The following ERBB4 variants were observed in gnomAD, a reference collection of about 807,000 sequenced individuals.
The protein encoded by ERBB4 is receptor tyrosine-protein kinase erbB-4.
A neutral mutation model predicts 158.0 loss-of-function variants in ERBB4; 42 were observed. The observed-to-expected ratio is 0.27, with a 90% CI of 0.21 to 0.34. ERBB4 has a LOEUF of 0.34. Among genes scored for constraint, ERBB4 ranks in the 10% least tolerant of loss-of-function variants. The pLI is 1.00. For synonymous variants in ERBB4, 583 were observed against 558.7 expected, an observed-to-expected ratio of 1.04 and a Z score of -0.61; for missense variants, 1,333 against 1,624.1, an observed-to-expected ratio of 0.82 and a Z score of 3.08.
chr2:212,511,204 T>C (rs1470935144), intron 1 of ERBB4, among the ~76,000 whole-genome samples: 1 of 152,194 alleles, frequency 6.6e-6, no homozygotes, highest in African/African-American at 2.4e-5. Flanking sequence ...TTGTCTTACC[T>C]CATTTTAGAC....
At chr2:211,417,087 T>C (rs752434834) in intron 25 of ERBB4, among the ~76,000 whole-genome samples, 4 of 152,176 alleles carry the variant, frequency 2.6e-5, no homozygotes, top group Admixed American at 6.5e-5. Context: ...TTTACAGATA[T>C]AGAGCACGGT....
chr2:211,474,756 G>A (rs1479039338), intron 20 of ERBB4, among the ~76,000 whole-genome samples: 1 of 152,066 alleles, frequency 6.6e-6, no homozygotes, highest in Non-Finnish European at 1.5e-5. Context: ...TAGGTTATAG[G>A]TAAAGCTTTG....
At position 211,592,360 on chromosome 2, in the gene ERBB4, C is replaced by G. The variant is rs528840305; in HGVS notation, c.2301+26817G>C. 3.3e-5 allele frequency among the ~76,000 whole-genome samples: 5 copies of G among 152,156 alleles called. No homozygotes were observed. In the South Asian group the frequency reaches 1.0e-3, roughly 32 times the overall value. ...GAGCCAAGACGGAGTCTGTCTGGCT[C>G]TCTTAGCTAAGGGAGAGTCAATTCA... On this transcript the variant is annotated intron_variant, in intron 19 of 27. Coordinates refer to ENST00000342788, the MANE Select transcript of ERBB4 (RefSeq NM_005235.3).
At chr2:212,526,367 T>C (rs1692447192) in intron 1 of ERBB4, among the ~76,000 whole-genome samples, 1 of 152,102 alleles carries the variant, frequency 6.6e-6, no homozygotes, top group Non-Finnish European at 1.5e-5. Context: ...AACAGTTGCA[T>C]AAAATGTTTT....
At chr2:211,579,112 C>A (rs1365936684) in intron 19 of ERBB4, among the ~76,000 whole-genome samples, 1 of 151,932 alleles carries the variant, frequency 6.6e-6, no homozygotes, top group East Asian at 1.9e-4. Flanking sequence ...AAGAAAAAAA[C>A]AAACAATCCC....
intron 1 of ERBB4, among the ~76,000 whole-genome samples, chr2:212,188,237 C>CT (rs2082082216): frequency 7.2e-5 from 1 of 13,884 alleles, no homozygotes; most frequent in African/African-American, 2.2e-4. Flanking sequence ...TCTCTCTCCC[C>CT]CCCCCTCTCA....
intron 4 of ERBB4, among the ~76,000 whole-genome samples, chr2:211,772,437 T>C (rs1018837190): frequency 6.6e-6 from 1 of 151,642 alleles, no homozygotes; most frequent in African/African-American, 2.4e-5. Context: ...AAACAGAAAA[T>C]GAAATTAGCT....
intron 4 of ERBB4, among the ~76,000 whole-genome samples, chr2:211,778,061 A>G (rs1169212201): frequency 6.6e-6 from 1 of 152,166 alleles, no homozygotes; most frequent in East Asian, 1.9e-4. Flanking sequence ...TAAACCCCCT[A>G]ATCAACTGGC....
At position 212,222,092 on chromosome 2, in the gene ERBB4, C is replaced by A. The variant is rs191863230; in HGVS notation, c.83-97189G>T. Among the ~76,000 whole-genome samples the A allele has an allele frequency of 4.3e-3, 652 of 151,568 alleles. 2 individuals carry two copies. Among genetic ancestry groups the A allele is most frequent in the South Asian group, 0.03 (143 of 4,816 alleles). Reference sequence around the variant, plus strand: ...GTTTATAAATTCCTATATAAAGGAACTATATGCTAAGTATATAAGTGGATT... The same window carrying A: ...GTTTATAAATTCCTATATAAAGGAAATATATGCTAAGTATATAAGTGGATT... On this transcript the variant is annotated intron_variant, in intron 1 of 27. Transcript: ENST00000342788.
intron 20 of ERBB4, among the ~76,000 whole-genome samples, chr2:211,442,462 A>T (rs2064004095): frequency 6.6e-6 from 1 of 152,110 alleles, no homozygotes; most frequent in Admixed American, 6.6e-5. Flanking sequence ...GCATTATTTT[A>T]AAAAAGCTTT....
At chr2:212,163,716 T>C (rs2081269242) in intron 1 of ERBB4, among the ~76,000 whole-genome samples, 1 of 152,046 alleles carries the variant, frequency 6.6e-6, no homozygotes, top group South Asian at 2.1e-4. Flanking sequence ...ATGGTGCTTT[T>C]ATATAGCTTG....
chr2:211,820,748 T>C (rs768038763), intron 3 of ERBB4, among the ~76,000 whole-genome samples: 1 of 151,798 alleles, frequency 6.6e-6, no homozygotes, highest in African/African-American at 2.4e-5. Context: ...AATGATCAAG[T>C]GCGGTTTATT....
intron 22 of ERBB4, among the ~76,000 whole-genome samples, chr2:211,427,011 A>G (rs1020553209): frequency 2.0e-5 from 3 of 152,090 alleles, no homozygotes; most frequent in African/African-American, 7.2e-5. Flanking sequence ...ACATTTGTCT[A>G]TACCTCAGAC....
chr2:211,572,151 A>G (rs1054595729), intron 19 of ERBB4, among the ~76,000 whole-genome samples: 1 of 152,214 alleles, frequency 6.6e-6, no homozygotes, highest in Non-Finnish European at 1.5e-5. Flanking sequence ...TCACTACTGT[A>G]AAAATACCGC....
intron 20 of ERBB4, among the ~76,000 whole-genome samples, chr2:211,524,559 G>A (rs764009265): frequency 2.8e-4 from 43 of 152,264 alleles, no homozygotes; most frequent in Non-Finnish European, 5.9e-4. Flanking sequence ...GAAATCAAGC[G>A]CAGCGCTGGT....
intron 1 of ERBB4, among the ~76,000 whole-genome samples, chr2:212,187,593 T>C (rs1243174675): frequency 2.0e-5 from 3 of 152,058 alleles, no homozygotes; most frequent in Admixed American, 6.6e-5. Flanking sequence ...AGAATATCAG[T>C]CTTAAATATC....
At chr2:212,034,456 T>G (rs1202766041) in intron 2 of ERBB4, among the ~76,000 whole-genome samples, 1 of 152,044 alleles carries the variant, frequency 6.6e-6, no homozygotes, top group Non-Finnish European at 1.5e-5. Context: ...TCCCAGCTAA[T>G]GGACAAAGCA....
chr2:211,685,999 AT>A (rs1363962893), intron 12 of ERBB4, among the ~76,000 whole-genome samples: 1 of 152,054 alleles, frequency 6.6e-6, no homozygotes, highest in Non-Finnish European at 1.5e-5. Context: ...TTGCTTATTT[AT>A]TTTAGGAGGT....
At chr2:212,330,087 T>G (rs1333113762) in intron 1 of ERBB4, among the ~76,000 whole-genome samples, 1 of 152,092 alleles carries the variant, frequency 6.6e-6, no homozygotes, top group South Asian at 2.1e-4. Flanking sequence ...GACAAACATT[T>G]CAACAAGGGA....
Sources: gnomAD v4.1 joint callset for allele counts (sites outside exome capture counted in the v4.1 genomes callset) on GRCh38, gnomAD v4.1.1 for gene constraint, MANE v1.5 for transcripts, NCBI Gene and HGNC (gene_info 2026-07-23, HGNC 2026-07-21) for gene names.